Variants in HK2 observed in about 807,000 individuals in gnomAD.
HK2 encodes hexokinase 2.
A neutral mutation model predicts 92.9 loss-of-function variants in HK2; 42 were observed. That is an observed-to-expected ratio of 0.45 (90% CI 0.35 to 0.58). The LOEUF (loss-of-function observed/expected upper bound fraction) is 0.58, where lower values mean the gene tolerates loss of function less well. HK2 is among the 20% of genes least tolerant of loss of function. HK2 has a pLI of 0.00. For synonymous variants in HK2, 422 were observed against 468.0 expected (o/e 0.90, Z 1.27); for missense variants, 978 against 1,245.1 (o/e 0.79, Z 3.23).
intron 3 of HK2, 127 bp from the exon 4 acceptor site, chr2:74,872,173 G>A: frequency 1.1e-6 from 1 of 914,382 alleles, no homozygotes. Context: ...GTGAGCAAAT[G>A]AAGATATCAG....
intron 1 of HK2, among the ~76,000 whole-genome samples, chr2:74,839,575 C>T (rs1396519031): frequency 3.3e-5 from 5 of 152,014 alleles, no homozygotes; most frequent in African/African-American, 9.7e-5. Flanking sequence ...TTTATATTGC[C>T]AAACTTACAT....
rs566529582 is a variant in HK2 at position 74,886,494 on chromosome 2, G to A, written c.2040G>A (p.Thr680=). 16 of 1,613,906 alleles carry A rather than the reference G, an allele frequency of 9.9e-6. No homozygotes were observed. Among genetic ancestry groups the A allele is most frequent in the Middle Eastern group, 1.6e-4 (1 of 6,082 alleles). Residue 680 remains threonine, a synonymous_variant, in exon 15 of 18, where the codon ACG becomes ACA. Coordinates refer to ENST00000290573, the MANE Select transcript of HK2 (RefSeq NM_000189.5). ...PHCEVGLIVG[T]GSNACYMEEM... ...CTGGTATCCTGTGATTGGCAGGCAC[G>A]GGCAGCAATGCCTGCTACATGGAGG... is the stretch of plus-strand genomic sequence containing the variant.
intron 1 of HK2, among the ~76,000 whole-genome samples, chr2:74,853,965 G>A (rs764319991): frequency 6.6e-5 from 10 of 152,108 alleles, no homozygotes; most frequent in Non-Finnish European, 1.3e-4. Context: ...CAAGAGATGA[G>A]GGTAATGAAC....
At chr2:74,889,223 T>TG in intron 16 of HK2, 22 bp from the exon 17 acceptor site, 1 of 1,592,670 alleles carries the variant, frequency 6.3e-7, no homozygotes, top group Non-Finnish European at 8.6e-7. Flanking sequence ...ACTGAACACT[T>TG]GCTGTCTCCC....
Position 74,834,745 on chromosome 2 carries a change from C to CGG in HK2, c.63+102_63+103insGG. 7.3e-7 allele frequency: 1 copy of CGG among 1,365,442 alleles called. No homozygotes were observed. Among genetic ancestry groups the CGG allele is most frequent in the Non-Finnish European group, 1.0e-6 (1 of 957,508 alleles). The allele number at this position is 1,365,442 out of a possible 1,614,324, so 84.6% of individuals were successfully genotyped here. On this transcript the variant is annotated intron_variant, in intron 1 of 17. Coordinates refer to ENST00000290573, the MANE Select transcript of HK2 (RefSeq NM_000189.5). The surrounding 1 kb of genome is among the most constrained non-coding windows in gnomAD (Gnocchi z 4.2). ...TGCGGGGACCCGCTTCCTCCCTACT[C>CGG]CGGGCCTGGGAGCGGAAAAAGTTTG...
intron 1 of HK2, among the ~76,000 whole-genome samples, chr2:74,849,377 T>C (rs1573359530): frequency 6.6e-6 from 1 of 152,164 alleles, no homozygotes; most frequent in African/African-American, 2.4e-5. Flanking sequence ...TGAAGAAATA[T>C]CAACTAACAG....
chr2:74,873,169 C>A, intron 4 of HK2, 107 bp from the exon 5 acceptor site: 1 of 860,180 alleles, frequency 1.2e-6, no homozygotes, highest in Non-Finnish European at 2.0e-6. Flanking sequence ...TCAATCATGA[C>A]TTTACCCCAG....
At chr2:74,844,782 C>T (rs1688398634) in intron 1 of HK2, among the ~76,000 whole-genome samples, 1 of 152,194 alleles carries the variant, frequency 6.6e-6, no homozygotes, top group African/African-American at 2.4e-5. Flanking sequence ...TGCGGGGATC[C>T]CATGCAGTGT....
At chr2:74,854,050 C>G (rs902765720) in intron 1 of HK2, among the ~76,000 whole-genome samples, 3 of 151,964 alleles carry the variant, frequency 2.0e-5, no homozygotes, top group Admixed American at 6.6e-5. Flanking sequence ...TCCTAATAGG[C>G]CTTTCCTCAG....
At chr2:74,879,011 G>A in intron 9 of HK2, 90 bp downstream of exon 9, 1 of 1,125,070 alleles carries the variant, frequency 8.9e-7, no homozygotes, top group Non-Finnish European at 1.3e-6. Context: ...TTGCATTTCA[G>A]GGGTGGTGTG....
chr2:74,887,990 A>T lies in HK2; in HGVS notation c.2307A>T (p.Arg769=). 6.2e-7 allele frequency: 1 copy of T among 1,614,174 alleles called. No individual in the cohort carries two copies. Among genetic ancestry groups the T allele is most frequent in the South Asian group, 1.1e-5 (1 of 91,090 alleles). Residue 769 remains arginine (R), a synonymous_variant, in exon 16 of 18, where the codon CGA becomes CGT. Coordinates refer to ENST00000290573, the MANE Select transcript of HK2 (RefSeq NM_000189.5). ...IDFTKRGLLF[R]GRISERLKTR... is the part of the protein sequence containing the mutation. ...TCACCAAGCGTGGACTACTCTTCCG[A>T]GGCCGCATCTCAGAGCGGCTCAAGA...
intron 8 of HK2, among the ~76,000 whole-genome samples, chr2:74,878,459 G>T (rs75675550): frequency 6.6e-6 from 1 of 151,244 alleles, no homozygotes; most frequent in African/African-American, 2.5e-5. Context: ...ATGCGTGTGC[G>T]TGTGTGTGTG....
chr2:74,875,389 C>T (rs757684519), intron 7 of HK2, among the ~76,000 whole-genome samples: 4 of 133,692 alleles, frequency 3.0e-5, no homozygotes, highest in African/African-American at 8.5e-5. Flanking sequence ...TGTGCAATGG[C>T]GCAATCTTGG....
At chr2:74,847,072 G>C (rs1688458938) in intron 1 of HK2, among the ~76,000 whole-genome samples, 1 of 152,132 alleles carries the variant, frequency 6.6e-6, no homozygotes. Context: ...AGGGCACCTG[G>C]AGAGACGGTT....
chr2:74,859,608 C>T (rs1301804709), intron 2 of HK2, among the ~76,000 whole-genome samples: 2 of 152,100 alleles, frequency 1.3e-5, no homozygotes, highest in Non-Finnish European at 2.9e-5. Flanking sequence ...GCATTCCAGC[C>T]TGGGCCACAG....
chr2:74,877,373 G>A (rs577669528), intron 8 of HK2, 52 bp downstream of exon 8: 63 of 1,601,256 alleles, frequency 3.9e-5, no homozygotes, highest in South Asian at 3.9e-4. Context: ...ACGAGTTGAC[G>A]GGTAGTTGGG....
At chr2:74,873,208 T>G (rs1573380219) in intron 4 of HK2, 68 bp from the exon 5 acceptor site, 2 of 1,134,362 alleles carry the variant, frequency 1.8e-6, no homozygotes, top group Non-Finnish European at 2.7e-6. Flanking sequence ...ATGACGGAGG[T>G]TTGAGGGGTG....
intron 2 of HK2, among the ~76,000 whole-genome samples, chr2:74,865,831 G>T (rs1341681090): frequency 1.3e-5 from 2 of 152,096 alleles, no homozygotes; most frequent in Non-Finnish European, 2.9e-5. Context: ...GTGGGACAGG[G>T]TCTGCCTAGA....
At chr2:74,863,854 T>C (rs1573372299) in intron 2 of HK2, among the ~76,000 whole-genome samples, 1 of 152,152 alleles carries the variant, frequency 6.6e-6, no homozygotes, top group East Asian at 1.9e-4. Flanking sequence ...GTTATAAATA[T>C]AGGGCTGGTT....
Sources: allele counts gnomAD v4.1 joint callset (sites outside exome capture counted in the v4.1 genomes callset), GRCh38; gene constraint gnomAD v4.1.1; non-coding constraint Gnocchi (gnomAD v3.1); transcripts MANE v1.5; gene names NCBI Gene and HGNC (gene_info 2026-07-23, HGNC 2026-07-21).